IL1RAPL2: variants seen among roughly 807,000 people sequenced by gnomAD.
IL1RAPL2 encodes interleukin 1 receptor accessory protein like 2.
In IL1RAPL2, 3 loss-of-function variants were observed where a neutral mutation model predicts 44.1. That is an observed-to-expected ratio of 0.07 (90% CI 0.03 to 0.18). The LOEUF (loss-of-function observed/expected upper bound fraction) is 0.18. Among genes scored for constraint, IL1RAPL2 ranks in the 10% least tolerant of loss-of-function variants. IL1RAPL2 has a pLI of 1.00. For missense variants in IL1RAPL2, 391 were observed against 496.4 expected (o/e 0.79, Z 2.02); for synonymous variants, 181 against 178.8 (o/e 1.01, Z -0.10).
intron 6 of IL1RAPL2, among the ~76,000 whole-genome samples, chrX:105,665,834 C>G (rs1323905475): frequency 2.8e-5 from 3 of 105,451 alleles, no homozygotes; most frequent in African/African-American, 1.1e-4. Flanking sequence ...GCGATCTCGG[C>G]TCACTGCAAG....
At chrX:105,069,253 A>C (rs1288532974) in intron 2 of IL1RAPL2, among the ~76,000 whole-genome samples, 1 of 112,915 alleles carries the variant, frequency 8.9e-6, no homozygotes, top group Non-Finnish European at 1.9e-5. Flanking sequence ...AATTATGTGG[A>C]CATTTAAATT....
chrX:105,038,347 G>A lies in IL1RAPL2; in HGVS notation c.83-157128G>A, dbSNP rs769673544. Among the ~76,000 whole-genome samples the A allele has an allele frequency of 3.6e-5, 4 of 111,588 alleles. No individual in the cohort carries two copies. In the East Asian group the frequency reaches 1.1e-3, roughly 32 times the overall value. On this transcript the variant is annotated intron_variant, in intron 2 of 10. Transcript: ENST00000372582. ...TACCACCATTTCTGCTGGATTGCTG[G>A]ATATCATACTCTCTTGTTTTTCTCC... is the stretch of plus-strand genomic sequence containing the variant.
chrX:104,734,476 A>G (rs1181098051), intron 2 of IL1RAPL2, among the ~76,000 whole-genome samples: 1 of 112,738 alleles, frequency 8.9e-6, no homozygotes, highest in Non-Finnish European at 1.9e-5. Context: ...TAAAAAATGA[A>G]CTTTTGATTC....
intron 2 of IL1RAPL2, among the ~76,000 whole-genome samples, chrX:105,115,845 G>A (rs780921401): frequency 9.7e-5 from 11 of 113,098 alleles, no homozygotes; most frequent in East Asian, 2.8e-4. Flanking sequence ...AGCCCATGGC[G>A]GTTGGTGGGG....
chrX:105,156,317 G>A (rs2033268332), intron 2 of IL1RAPL2, among the ~76,000 whole-genome samples: 1 of 112,006 alleles, frequency 8.9e-6, no homozygotes, highest in Non-Finnish European at 1.9e-5. Context: ...GAGACTTACA[G>A]TTTAAATACA....
chrX:104,708,572 G>A (rs868160806), intron 2 of IL1RAPL2, among the ~76,000 whole-genome samples: 3 of 111,158 alleles, frequency 2.7e-5, no homozygotes, highest in Admixed American at 9.6e-5. Context: ...TTTAATTAGA[G>A]CAGGACACAT....
rs767605213 is a variant in IL1RAPL2, at chrX:104,958,007, G to A, written c.83-237468G>A. On this transcript the variant is annotated intron_variant, in intron 2 of 10. Coordinates refer to ENST00000372582, the MANE Select transcript of IL1RAPL2 (RefSeq NM_017416.2). ...CTCAGGAGGCTGAGACTGGAAGATC[G>A]CTTGAGTCCAGAAGGTTAAGGCTGC... Among the ~76,000 whole-genome samples, 9 of 111,719 alleles carry A rather than the reference G, an allele frequency of 8.1e-5. No individual in the cohort carries two copies. The South Asian group carries it at 2.3e-3, about 29-fold the overall frequency.
At position 104,800,881 on chromosome X, in the gene IL1RAPL2, GT is replaced by G. The variant is rs764486078; in HGVS notation, c.82+141887del. The stretch of plus-strand genomic sequence containing the variant: ...ATGATGTGGAGGGCTGGCTGCTGTA[GT>G]GGGGGCAATCTGAGAAACCCAGGGC... On this transcript the variant is annotated intron_variant, in intron 2 of 10. Transcript: ENST00000372582. 7.1e-3 allele frequency among the ~76,000 whole-genome samples: 798 copies of G among 112,478 alleles called. 6 individuals carry two copies. Among genetic ancestry groups the G allele is most frequent in the Non-Finnish European group, 0.011 (570 of 53,298 alleles).
chrX:105,290,465 G>T (rs1437989025), intron 5 of IL1RAPL2, among the ~76,000 whole-genome samples: 2 of 111,321 alleles, frequency 1.8e-5, no homozygotes, highest in Non-Finnish European at 3.8e-5. Flanking sequence ...AAACAAAAGT[G>T]CAACTTATCC....
intron 2 of IL1RAPL2, among the ~76,000 whole-genome samples, chrX:104,970,939 A>T (rs2030221361): frequency 8.9e-6 from 1 of 112,241 alleles, no homozygotes; most frequent in Non-Finnish European, 1.9e-5. Flanking sequence ...GATGGGTTGG[A>T]AGTCTTGTGC....
At chrX:104,886,540 A>C (rs1466326876) in intron 2 of IL1RAPL2, among the ~76,000 whole-genome samples, 1 of 112,477 alleles carries the variant, frequency 8.9e-6, no homozygotes, top group African/African-American at 3.2e-5. Flanking sequence ...CTAGGAGTAC[A>C]AAAACTAAAT....
intron 5 of IL1RAPL2, among the ~76,000 whole-genome samples, chrX:105,354,591 T>C (rs2035186308): frequency 9.0e-6 from 1 of 110,784 alleles, no homozygotes; most frequent in Admixed American, 9.6e-5. Flanking sequence ...ACACGGCACA[T>C]GTGTACATAT....
chrX:105,760,852 G>A (rs778407469), intron 10 of IL1RAPL2, among the ~76,000 whole-genome samples: 26 of 111,751 alleles, frequency 2.3e-4, no homozygotes, highest in Non-Finnish European at 4.5e-4. Flanking sequence ...GGCAGGAAAG[G>A]TTTTTGTAGG....
At chrX:104,904,785 C>T (rs1383098697) in intron 2 of IL1RAPL2, among the ~76,000 whole-genome samples, 7 of 109,072 alleles carry the variant, frequency 6.4e-5, no homozygotes, top group Non-Finnish European at 1.1e-4. Flanking sequence ...GTCTTTATAG[C>T]AGCATGATTT....
intron 2 of IL1RAPL2, among the ~76,000 whole-genome samples, chrX:104,674,290 TGA>T (rs1450353450): frequency 6.3e-5 from 7 of 111,870 alleles, no homozygotes. Context: ...CCTAATTTCT[TGA>T]GAGTTTTTAG....
rs138262660 is a variant in IL1RAPL2 at position 105,459,013 on chromosome X, A to G, written c.698-25300A>G. Among the ~76,000 whole-genome samples the G allele has an allele frequency of 5.4e-5, 6 of 111,764 alleles. No homozygotes were observed. In the East Asian group the frequency reaches 1.7e-3, roughly 32 times the overall value. Reference sequence around the variant, plus strand: ...GGCCAATTAAAACACCACGAAGCTCATTGTTCTTACTGAAATTCAGCCACT... The same window carrying G: ...GGCCAATTAAAACACCACGAAGCTCGTTGTTCTTACTGAAATTCAGCCACT... On this transcript the variant is annotated intron_variant, in intron 5 of 10. Coordinates refer to ENST00000372582, the MANE Select transcript of IL1RAPL2 (RefSeq NM_017416.2).
In IL1RAPL2 at chrX:105,196,071, C is replaced by T. The variant is rs373982184; in HGVS notation, c.356+323C>T. Among the ~76,000 whole-genome samples the T allele has an allele frequency of 3.4e-4, 38 of 111,043 alleles. No individual in the cohort carries two copies. The East Asian group carries it at 4.8e-3, about 14-fold the overall frequency. On this transcript the variant is annotated intron_variant, in intron 3 of 10. Coordinates refer to ENST00000372582, the MANE Select transcript of IL1RAPL2 (RefSeq NM_017416.2). ...CTGAGGTGGGTGGATCGCCTGAGGT[C>T]AGGAGTTCAAGACCGGCCTGACCAA...
intron 1 of IL1RAPL2, among the ~76,000 whole-genome samples, chrX:104,624,569 A>G (rs1929462759): frequency 8.9e-6 from 1 of 111,862 alleles, no homozygotes; most frequent in Non-Finnish European, 1.9e-5. Flanking sequence ...TGGTGGGAGT[A>G]TACATTGGTA....
intron 4 of IL1RAPL2, among the ~76,000 whole-genome samples, chrX:105,253,594 T>A (rs1172085094): frequency 9.0e-6 from 1 of 111,606 alleles, no homozygotes; most frequent in East Asian, 2.8e-4. Flanking sequence ...GGGGTACATG[T>A]GAAGGTTTGT....
Sources: allele counts gnomAD v4.1 joint callset (sites outside exome capture counted in the v4.1 genomes callset), GRCh38; gene constraint gnomAD v4.1.1; transcripts MANE v1.5; gene names NCBI Gene and HGNC (gene_info 2026-07-23, HGNC 2026-07-21).